The following TP53AIP1 variants were observed in gnomAD, a reference collection of about 807,000 sequenced individuals.
The protein encoded by TP53AIP1 is p53-regulated apoptosis-inducing protein 1.
A neutral mutation model predicts 9.5 loss-of-function variants in TP53AIP1; 14 were observed. The ratio of observed to expected loss-of-function variants is 1.47; its 90% CI spans 0.97 to 2.30. The LOEUF (loss-of-function observed/expected upper bound fraction) is 2.30, where lower values mean the gene tolerates loss of function less well. TP53AIP1 is among the 30% of genes most tolerant of loss of function. The probability of loss-of-function intolerance (pLI) is 0.00; values close to 1 mark genes in which losing one functional copy is unlikely to be tolerated. For missense variants in TP53AIP1, 153 were observed against 146.7 expected (o/e 1.04, Z -0.22); for synonymous variants, 73 against 61.2 (o/e 1.19, Z -0.90).
At position 128,935,611 on chromosome 11, in the gene TP53AIP1, CT is replaced by C; in HGVS notation, c.354del (p.Ala119HisfsTer3). On this transcript the variant is annotated frameshift_variant, in exon 4 of 4. Coordinates refer to ENST00000531399, the MANE Select transcript of TP53AIP1 (RefSeq NM_022112.3). LOFTEE classifies it high-confidence loss of function. Reference protein sequence around the residue: ...SAFELSYDQKKAPLRLQ With the variant: ...SAFELSYDQKXAPLRLQ ...TCGGCTCACTGCAACCTCAACGGTG[CT>C]TTTTTCTGATCATAGCTGAGCTCAA... is the stretch of plus-strand genomic sequence containing the variant. 6.3e-7 allele frequency: 1 copy of C among 1,578,722 alleles called. No homozygotes were observed. The highest frequency in any genetic ancestry group is 1.3e-5 in the African/African-American group (1 of 74,646).
rs1034960928 is a variant in TP53AIP1, at chr11:128,939,627, G to C, written c.-76-1733C>G. Among the ~76,000 whole-genome samples, 11 of 152,316 alleles carry C rather than the reference G, an allele frequency of 7.2e-5. No individual in the cohort carries two copies. The highest frequency in any genetic ancestry group is 3.4e-3 in the Middle Eastern group (1 of 294). On this transcript the variant is annotated intron_variant, in intron 1 of 3. Coordinates refer to ENST00000531399, the MANE Select transcript of TP53AIP1 (RefSeq NM_022112.3). This position sits in a 1 kb window ranked among gnomAD's most constrained non-coding sequence, Gnocchi z 4.1. ...GCCTTACTGTCCAGACAGAACAAAA[G>C]GGATCCCCTTTCCAACCCGAAACTG...
intron 1 of TP53AIP1, among the ~76,000 whole-genome samples, chr11:128,941,808 C>T (rs890427314): frequency 3.9e-5 from 6 of 152,208 alleles, no homozygotes; most frequent in South Asian, 2.1e-4. Flanking sequence ...CCACGGCTGC[C>T]GCCCCCACCC....
At chr11:128,935,358 A>G (rs1944791495), downstream of TP53AIP1, 4 of 1,414,938 alleles carry the variant, frequency 2.8e-6, no homozygotes, top group Non-Finnish European at 3.7e-6. Context: ...TGGAATGCAA[A>G]CTTCACAAGA....
Position 128,937,941 on chromosome 11 carries a change from G to T in TP53AIP1, c.-76-47C>A. The T allele has an allele frequency of 1.9e-6, 2 of 1,048,220 alleles. No individual in the cohort carries two copies. Among genetic ancestry groups the T allele is most frequent in the Non-Finnish European group, 2.7e-6 (2 of 738,618 alleles). The allele number at this position is 1,048,220 out of a possible 1,614,324, so 64.9% of individuals were successfully genotyped here. On this transcript the variant is annotated intron_variant, in intron 1 of 3. Transcript: ENST00000531399. The surrounding 1 kb of genome is among the most constrained non-coding windows in gnomAD (Gnocchi z 4.8). ...TATGAACAGAAGCAGTGGTGGCAGC[G>T]CTGGGCCAGCAATGATGATTTCTAC...
chr11:128,936,968 C>T, intron 2 of TP53AIP1: 1 of 1,127,516 alleles, frequency 8.9e-7, no homozygotes, highest in Non-Finnish European at 1.1e-6. Context: ...CACACCTGGG[C>T]CCTGCACCTC....
rs572210499 is a variant in TP53AIP1, at chr11:128,935,409, G to A, written c.*182C>T. The stretch of plus-strand genomic sequence containing the variant: ...TTATTTCAGATTTGGGGATACAGAA[G>A]GATGCAAAATGAGGCAACCTAGCCA... On this transcript the variant is annotated 3_prime_UTR_variant, in exon 4 of 4. Transcript: ENST00000531399. 4 of 1,418,736 alleles carry A rather than the reference G, an allele frequency of 2.8e-6. No individual in the cohort carries two copies. The Admixed American group carries it at 8.9e-5, about 32-fold the overall frequency. The allele number at this position is 1,418,736 out of a possible 1,614,324, so 87.9% of individuals were successfully genotyped here. A position where few individuals can be genotyped will look rare whatever the true frequency, so the allele number is the denominator to read the frequency against.
At chr11:128,936,876 G>A in intron 2 of TP53AIP1, 9 of 1,347,530 alleles carry the variant, frequency 6.7e-6, no homozygotes, top group Non-Finnish European at 8.5e-6. Context: ...CAAAGACAGA[G>A]ACAGCAAATC....
In TP53AIP1 at chr11:128,939,917, G is replaced by A. The variant is rs527436067; in HGVS notation, c.-76-2023C>T. Among the ~76,000 whole-genome samples, 4 of 152,270 alleles carry A rather than the reference G, an allele frequency of 2.6e-5. No individual in the cohort carries two copies. The highest frequency in any genetic ancestry group is 1.3e-4 in the Admixed American group (2 of 15,308). On this transcript the variant is annotated intron_variant, in intron 1 of 3. Transcript: ENST00000531399. This position sits in a 1 kb window ranked among gnomAD's most constrained non-coding sequence, Gnocchi z 4.1. ...CGTTAACACGAAGGAGGGTCCCAGC[G>A]GAGTTCATGCCGGGACTCAGGTTGC...
chr11:128,935,027 A>G, downstream of TP53AIP1: 1 of 703,188 alleles, frequency 1.4e-6, no homozygotes, highest in Non-Finnish European at 2.6e-6. Context: ...CACACAGGCC[A>G]GGCAAGCTCT....
intron 2 of TP53AIP1, 138 bp from the exon 3 acceptor site, chr11:128,936,787 T>C: frequency 1.4e-6 from 2 of 1,433,176 alleles, no homozygotes; most frequent in Non-Finnish European, 1.8e-6. Flanking sequence ...ACGCTGCCAC[T>C]CAGGTTCCCA....
rs1322733997 is a variant in TP53AIP1, at chr11:128,937,081, T to A, written c.142-432A>T. The A allele has an allele frequency of 6.7e-6, 7 of 1,041,992 alleles. No homozygotes were observed. Among genetic ancestry groups the A allele is most frequent in the Non-Finnish European group, 8.1e-6 (7 of 865,980 alleles). The allele number at this position is 1,041,992 out of a possible 1,614,324, so 64.5% of individuals were successfully genotyped here. ...TCCTGGCCCAGGCCTGGCCTGTGTCTGCTTCCGGAGCCATGCGCTGCCTGT... is the reference window on the plus strand; with the variant it reads ...TCCTGGCCCAGGCCTGGCCTGTGTCAGCTTCCGGAGCCATGCGCTGCCTGT... On this transcript the variant is annotated intron_variant, in intron 2 of 3. Transcript: ENST00000531399. The surrounding 1 kb of genome is among the most constrained non-coding windows in gnomAD (Gnocchi z 4.8).
At chr11:128,935,201 G>A (rs781152967), downstream of TP53AIP1, among the ~76,000 whole-genome samples, 24 of 152,358 alleles carry the variant, frequency 1.6e-4, no homozygotes, top group Admixed American at 2.6e-4. Context: ...GATCAAACCC[G>A]CACTTCTCAA....
chr11:128,934,877 C>T (rs1037474262), downstream of TP53AIP1: 69 of 639,560 alleles, frequency 1.1e-4, no homozygotes, highest in East Asian at 2.8e-4. Context: ...TGGGGATCCT[C>T]GGAAGTGTCA....
At chr11:128,935,904 T>C in intron 3 of TP53AIP1, 192 bp from the exon 4 acceptor site, 1 of 1,308,280 alleles carries the variant, frequency 7.6e-7, no homozygotes, top group Non-Finnish European at 9.7e-7. Flanking sequence ...ATTTCATAGA[T>C]ATCAAATGGG....
chr11:128,937,752 C>G lies in TP53AIP1; in HGVS notation c.67G>C (p.Gly23Arg). 6.2e-7 allele frequency: 1 copy of G among 1,614,022 alleles called. No individual in the cohort carries two copies. Among genetic ancestry groups the G allele is most frequent in the Non-Finnish European group, 8.5e-7 (1 of 1,179,990 alleles). ...AGGTTCTGGTCTCCCCTGCCCAGGC[C>G]CTGCCTCCTGGCCCCACTGCAGGAA... ...QASCSGARRQ[G>R]LGRGDQNLSV... Residue 23 changes from glycine to arginine, a missense_variant, in exon 2 of 4, where the codon GGC becomes CGC. Coordinates refer to ENST00000531399, the MANE Select transcript of TP53AIP1 (RefSeq NM_022112.3). The surrounding 1 kb of genome is among the most constrained non-coding windows in gnomAD (Gnocchi z 4.8).
Position 128,937,490 on chromosome 11 carries a change from T to C in TP53AIP1, c.141+188A>G. On this transcript the variant is annotated intron_variant, in intron 2 of 3. Coordinates refer to ENST00000531399, the MANE Select transcript of TP53AIP1 (RefSeq NM_022112.3). This position sits in a 1 kb window ranked among gnomAD's most constrained non-coding sequence, Gnocchi z 4.8. Reference sequence around the variant, plus strand: ...TCCTCTTGGGACTATTGATCAGGGCTGTCAGTTCCCAGCTCTGTCCAATGC... The same window carrying C: ...TCCTCTTGGGACTATTGATCAGGGCCGTCAGTTCCCAGCTCTGTCCAATGC... The C allele has an allele frequency of 6.3e-7, 1 of 1,577,908 alleles. No homozygotes were observed. The highest frequency in any genetic ancestry group is 1.3e-5 in the African/African-American group (1 of 74,364).
chr11:128,937,764 C>A lies in TP53AIP1; in HGVS notation c.55G>T (p.Ala19Ser). ...CCCCTGCCCAGGCCCTGCCTCCTGG[C>A]CCCACTGCAGGAAGCTTGAGCAGAT... ...FRSAQASCSGARRQGLGRGDQ... is the reference protein window; with the variant it reads ...FRSAQASCSGSRRQGLGRGDQ... Residue 19 changes from alanine (A) to serine (S), a missense_variant, in exon 2 of 4, where the codon GCC becomes TCC. By Grantham distance (99) the Ala-to-Ser change is moderately conservative (BLOSUM62 1). Coordinates refer to ENST00000531399, the MANE Select transcript of TP53AIP1 (RefSeq NM_022112.3). The surrounding 1 kb of genome is among the most constrained non-coding windows in gnomAD (Gnocchi z 4.8). 1 of 1,613,964 alleles carries A rather than the reference C, an allele frequency of 6.2e-7. No homozygotes were observed. The highest frequency in any genetic ancestry group is 8.5e-7 in the Non-Finnish European group (1 of 1,179,970).
At position 128,939,692 on chromosome 11, in the gene TP53AIP1, C is replaced by T. The variant is rs1164912460; in HGVS notation, c.-76-1798G>A. On this transcript the variant is annotated intron_variant, in intron 1 of 3. Transcript: ENST00000531399. This position sits in a 1 kb window ranked among gnomAD's most constrained non-coding sequence, Gnocchi z 4.1. ...AGGTCCGTCACAACCCATCTTAATG[C>T]AAGAGGGACTGTGGCTCTTCTGGAA... 1.3e-5 allele frequency among the ~76,000 whole-genome samples: 2 copies of T among 152,252 alleles called. No individual in the cohort carries two copies. The highest frequency in any genetic ancestry group is 2.9e-5 in the Non-Finnish European group (2 of 68,046).
downstream of TP53AIP1, chr11:128,935,018 A>T (rs1417546415): frequency 4.3e-6 from 3 of 703,116 alleles, no homozygotes; most frequent in East Asian, 2.7e-5. Context: ...GCAGCTCTGC[A>T]CACAGGCCAG....
Sources: gnomAD v4.1 joint callset for allele counts (sites outside exome capture counted in the v4.1 genomes callset) on GRCh38, gnomAD v4.1.1 for gene constraint, Gnocchi (gnomAD v3.1) non-coding constraint, MANE v1.5 for transcripts, NCBI Gene and HGNC (gene_info 2026-07-23, HGNC 2026-07-21) for gene names.